DGKI: variants seen among roughly 807,000 people sequenced by gnomAD.
DGKI encodes diacylglycerol kinase iota, also known as DAG kinase iota.
Under a neutral mutation model 147.5 loss-of-function variants are expected in DGKI, and 55 were observed. The observed-to-expected ratio is 0.37, with a 90% confidence interval of 0.30 to 0.47. The LOEUF is 0.47. Ranked by LOEUF, DGKI falls within the 20% of genes least tolerant of loss-of-function variation. The pLI is 1.00. For synonymous variants in DGKI, 469 were observed against 477.1 expected (o/e 0.98, Z 0.22); for missense variants, 1,007 against 1,323.8 (o/e 0.76, Z 3.71).
chr7:137,720,499 C>A (rs1021866025), intron 1 of DGKI, among the ~76,000 whole-genome samples: 1 of 152,016 alleles, frequency 6.6e-6, no homozygotes, highest in African/African-American at 2.4e-5. Flanking sequence ...ACCTTGTGAT[C>A]TGCCCGCCTC....
chr7:137,803,920 C>G (rs1015963619), intron 1 of DGKI, among the ~76,000 whole-genome samples: 5 of 152,208 alleles, frequency 3.3e-5, no homozygotes, highest in African/African-American at 1.2e-4. Flanking sequence ...GGTAAATAGT[C>G]CGGGCATGCG....
At chr7:137,674,624 A>G (rs1822964760) in intron 3 of DGKI, among the ~76,000 whole-genome samples, 1 of 152,128 alleles carries the variant, frequency 6.6e-6, no homozygotes. Context: ...ACCTAACTCC[A>G]TTCTTACTTC....
intron 1 of DGKI, among the ~76,000 whole-genome samples, chr7:137,843,782 CA>C: frequency 1.3e-5 from 2 of 151,532 alleles, no homozygotes; most frequent in African/African-American, 4.9e-5. Context: ...CACACACACA[CA>C]CACACACACA....
chr7:137,843,832 A>AGTTTCAT (rs1798630579), intron 1 of DGKI, among the ~76,000 whole-genome samples: 1 of 149,956 alleles, frequency 6.7e-6, no homozygotes, highest in Non-Finnish European at 1.5e-5. Flanking sequence ...TTGCCTGTCA[A>AGTTTCAT]GTTTCATTCC....
At chr7:137,521,616 G>A (rs1040807259) in intron 21 of DGKI, among the ~76,000 whole-genome samples, 2 of 152,028 alleles carry the variant, frequency 1.3e-5, no homozygotes, top group Admixed American at 6.6e-5. Context: ...CTAAAGTGGC[G>A]AATAAGCCAA....
chr7:137,639,444 T>C (rs1821542845), intron 6 of DGKI, among the ~76,000 whole-genome samples: 2 of 152,184 alleles, frequency 1.3e-5, no homozygotes, highest in Non-Finnish European at 2.9e-5. Context: ...TGGGACCTTG[T>C]GTACCTGGAA....
intron 20 of DGKI, among the ~76,000 whole-genome samples, chr7:137,528,813 C>T (rs1817239610): frequency 6.6e-6 from 1 of 152,138 alleles, no homozygotes; most frequent in Non-Finnish European, 1.5e-5. Flanking sequence ...GTGGCTTAGT[C>T]TTTGTTCAGG....
At chr7:137,585,502 G>T (rs1819360473) in intron 13 of DGKI, among the ~76,000 whole-genome samples, 156 bp from the exon 14 acceptor site, 1 of 152,222 alleles carries the variant, frequency 6.6e-6, no homozygotes, top group South Asian at 2.1e-4. Flanking sequence ...CTTAGAATTT[G>T]AGACAATACT....
At chr7:137,811,151 T>C (rs898866600) in intron 1 of DGKI, among the ~76,000 whole-genome samples, 2 of 152,134 alleles carry the variant, frequency 1.3e-5, no homozygotes, top group Non-Finnish European at 2.9e-5. Flanking sequence ...GGTTCTGTAA[T>C]AACACACGAA....
intron 8 of DGKI, among the ~76,000 whole-genome samples, chr7:137,609,988 C>T (rs1390090614): frequency 1.3e-5 from 2 of 152,100 alleles, no homozygotes; most frequent in Non-Finnish European, 2.9e-5. Flanking sequence ...TTCATCTCCT[C>T]GTATGGAGAT....
intron 20 of DGKI, among the ~76,000 whole-genome samples, chr7:137,532,065 T>C (rs186803212): frequency 1.2e-3 from 188 of 151,778 alleles, no homozygotes; most frequent in African/African-American, 4.5e-3. Flanking sequence ...GAATGTGTTA[T>C]AAATAAAAAT....
chr7:137,568,541 G>C (rs78606650), intron 19 of DGKI, among the ~76,000 whole-genome samples: 40 of 152,272 alleles, frequency 2.6e-4, no homozygotes, highest in African/African-American at 9.1e-4. Context: ...GACTTCTCCA[G>C]ATAGACCCAC....
At chr7:137,735,529 G>T (rs752070327) in intron 1 of DGKI, among the ~76,000 whole-genome samples, 2 of 146,824 alleles carry the variant, frequency 1.4e-5, no homozygotes, top group Non-Finnish European at 2.9e-5. Flanking sequence ...TGATGCATAT[G>T]ATGAGGTAGA....
intron 15 of DGKI, among the ~76,000 whole-genome samples, chr7:137,580,015 AC>A (rs1819133159): frequency 6.6e-6 from 1 of 152,056 alleles, no homozygotes; most frequent in African/African-American, 2.4e-5. Flanking sequence ...ATGCATAGAA[AC>A]TTCATCATAG....
chr7:137,499,221 C>G (rs1038451071), intron 21 of DGKI, among the ~76,000 whole-genome samples: 4 of 152,086 alleles, frequency 2.6e-5, no homozygotes, highest in Admixed American at 2.6e-4. Flanking sequence ...AAGTAGTTAT[C>G]CCAGTAGAAC....
intron 3 of DGKI, among the ~76,000 whole-genome samples, chr7:137,677,292 T>C (rs1420069942): frequency 6.6e-6 from 1 of 152,184 alleles, no homozygotes; most frequent in Non-Finnish European, 1.5e-5. Context: ...TTAATCCTAC[T>C]CTCTGTTTTA....
intron 19 of DGKI, among the ~76,000 whole-genome samples, chr7:137,560,044 G>C (rs943734152): frequency 6.6e-6 from 1 of 152,158 alleles, no homozygotes; most frequent in Non-Finnish European, 1.5e-5. Context: ...GAACTAAGTA[G>C]AATGTAATGC....
chr7:137,593,236 AGGGACCAT>A (rs947809039), intron 12 of DGKI, among the ~76,000 whole-genome samples: 3 of 152,326 alleles, frequency 2.0e-5, no homozygotes, highest in Non-Finnish European at 4.4e-5. Flanking sequence ...CCAGATAGAT[AGGGACCAT>A]GGGTCACACA....
chr7:137,738,189 T>C (rs1295126900), intron 1 of DGKI, among the ~76,000 whole-genome samples: 1 of 152,138 alleles, frequency 6.6e-6, no homozygotes, highest in African/African-American at 2.4e-5. Context: ...CAGGACCACA[T>C]GACACTGATT....
Sources: gnomAD v4.1 joint callset for allele counts (sites outside exome capture counted in the v4.1 genomes callset) on GRCh38, gnomAD v4.1.1 for gene constraint, MANE v1.5 for transcripts, NCBI Gene and HGNC (gene_info 2026-07-23, HGNC 2026-07-21) for gene names.